SIPA1L1: variants seen among roughly 807,000 people sequenced by gnomAD.
SIPA1L1 encodes the protein signal-induced proliferation-associated 1-like protein 1.
SIPA1L1 carries 26 observed loss-of-function variants against 162.7 expected under a neutral mutation model. The observed-to-expected ratio is 0.16, with a 90% CI of 0.12 to 0.22. The LOEUF (loss-of-function observed/expected upper bound fraction) is 0.22. Ranked by LOEUF, SIPA1L1 falls within the 10% of genes least tolerant of loss-of-function variation. The pLI is 1.00. For synonymous variants in SIPA1L1, 829 were observed against 837.4 expected, an observed-to-expected ratio of 0.99 and a Z score of 0.17; for missense variants, 1,874 against 2,241.0, an observed-to-expected ratio of 0.84 and a Z score of 3.31.
rs374259672 is a variant in SIPA1L1 at position 71,671,185 on chromosome 14, C to T, written c.2322C>T (p.Phe774=). 36 of 1,613,958 alleles carry T rather than the reference C, an allele frequency of 2.2e-5. No individual in the cohort carries two copies. Among genetic ancestry groups the T allele is most frequent in the Non-Finnish European group, 3.0e-5 (35 of 1,179,998 alleles). Residue 774 remains phenylalanine (F), a synonymous_variant, in exon 11 of 24, where the codon TTC becomes TTT. Coordinates refer to ENST00000381232, the MANE Select transcript of SIPA1L1 (RefSeq NM_001386936.1). ...CTCCCATTCCTAAAGGGGTCACTTT[C>T]CCTAAGTCAAATGTGTTCAGGGACT... ...FGPPIPKGVT[F]PKSNVFRDFL...
chr14:71,346,899 C>T (rs1334692176), intron 2 of SIPA1L1, among the ~76,000 whole-genome samples: 4 of 151,996 alleles, frequency 2.6e-5, no homozygotes, highest in South Asian at 2.1e-4. Context: ...AACCTACTTT[C>T]GGTCTCTATT....
intron 2 of SIPA1L1, among the ~76,000 whole-genome samples, chr14:71,405,441 A>G (rs548064965): frequency 2.4e-4 from 36 of 152,316 alleles, no homozygotes; most frequent in African/African-American, 8.4e-4. Flanking sequence ...CTCCTACTCT[A>G]ATGTTGGGGG....
intron 2 of SIPA1L1, among the ~76,000 whole-genome samples, chr14:71,499,269 G>A (rs1414975896): frequency 1.3e-5 from 2 of 152,168 alleles, no homozygotes; most frequent in African/African-American, 2.4e-5. Context: ...CTGAGCCTGC[G>A]GAGGTTGAGG....
chr14:71,699,750 G>A (rs1345102691), intron 14 of SIPA1L1, among the ~76,000 whole-genome samples: 1 of 152,188 alleles, frequency 6.6e-6, no homozygotes, highest in Admixed American at 6.5e-5. Context: ...GAGGACAAGT[G>A]AGGCCAATAA....
chr14:71,705,437 G>C, intron 16 of SIPA1L1, 97 bp downstream of exon 16: 1 of 913,210 alleles, frequency 1.1e-6, no homozygotes, highest in Non-Finnish European at 1.8e-6. Flanking sequence ...CATGGCCAAA[G>C]AGGAAATCAT....
At chr14:71,406,345 T>C (rs952241893) in intron 2 of SIPA1L1, among the ~76,000 whole-genome samples, 5 of 152,232 alleles carry the variant, frequency 3.3e-5, no homozygotes, top group Admixed American at 6.5e-5. Flanking sequence ...TTGCCTTTTT[T>C]TTCAGCCATT....
chr14:71,666,973 C>G (rs2044074060), intron 10 of SIPA1L1, among the ~76,000 whole-genome samples: 1 of 152,004 alleles, frequency 6.6e-6, no homozygotes, highest in South Asian at 2.1e-4. Flanking sequence ...CTATTTCAAG[C>G]CTCAATTAAT....
intron 14 of SIPA1L1, 79 bp downstream of exon 14, chr14:71,699,206 C>A: frequency 7.4e-7 from 1 of 1,347,214 alleles, no homozygotes; most frequent in Non-Finnish European, 1.1e-6. Flanking sequence ...TGTAAAATGA[C>A]TTCCATTCAG....
At chr14:71,531,410 C>T (rs1344295824) in intron 4 of SIPA1L1, among the ~76,000 whole-genome samples, 2 of 151,786 alleles carry the variant, frequency 1.3e-5, no homozygotes, top group African/African-American at 4.8e-5. Flanking sequence ...GGTTGCACCT[C>T]GAAATAGTAC....
chr14:71,401,448 G>A (rs1457482495), intron 2 of SIPA1L1, among the ~76,000 whole-genome samples: 3 of 146,864 alleles, frequency 2.0e-5, no homozygotes, highest in East Asian at 2.0e-4. Flanking sequence ...ATTGTATGAC[G>A]TATTTTTCTT....
At chr14:71,601,900 A>T (rs2036805750) in intron 5 of SIPA1L1, among the ~76,000 whole-genome samples, 1 of 150,516 alleles carries the variant, frequency 6.6e-6, no homozygotes. Context: ...TGTAGTTATC[A>T]GTTGTGATGT....
chr14:71,542,704 C>T (rs1353356366), intron 4 of SIPA1L1, among the ~76,000 whole-genome samples: 6 of 105,794 alleles, frequency 5.7e-5, no homozygotes, highest in South Asian at 3.4e-4. Context: ...TTCTCCTCCT[C>T]CCTCCTCCTC....
At chr14:71,664,760 G>C (rs542390583) in intron 10 of SIPA1L1, among the ~76,000 whole-genome samples, 2 of 152,220 alleles carry the variant, frequency 1.3e-5, no homozygotes, top group South Asian at 4.2e-4. Flanking sequence ...ACACCTACCT[G>C]GTATCTGAAC....
chr14:71,400,130 C>G (rs2041555034), intron 2 of SIPA1L1, among the ~76,000 whole-genome samples: 1 of 152,074 alleles, frequency 6.6e-6, no homozygotes, highest in Non-Finnish European at 1.5e-5. Context: ...AGACCCAGCC[C>G]AAGAACTCAC....
chr14:71,330,348 C>A, intron 2 of SIPA1L1: 1 of 838,890 alleles, frequency 1.2e-6, no homozygotes, highest in Non-Finnish European at 2.1e-6. Context: ...AGTGCACAGT[C>A]CTCTCTTTTT....
intron 5 of SIPA1L1, among the ~76,000 whole-genome samples, chr14:71,609,638 T>C (rs946292459): frequency 6.6e-6 from 1 of 152,002 alleles, no homozygotes; most frequent in Non-Finnish European, 1.5e-5. Context: ...AGCTAGTTTT[T>C]GAATTTTTAG....
intron 3 of SIPA1L1, among the ~76,000 whole-genome samples, 198 bp from the exon 4 acceptor site, chr14:71,529,112 TAA>T (rs200821316): frequency 8.4e-5 from 12 of 143,312 alleles, no homozygotes; most frequent in East Asian, 2.0e-4. Flanking sequence ...AACTCCATCT[TAA>T]AAAAAAAAAA....
chr14:71,359,411 A>G (rs55881312), intron 2 of SIPA1L1, among the ~76,000 whole-genome samples: 22,793 of 152,120 alleles, frequency 0.15, 1,805 homozygotes, highest in East Asian at 0.27. Flanking sequence ...AGAACAGACT[A>G]ATACACCTTA....
At chr14:71,620,697 C>T (rs1053747542) in intron 6 of SIPA1L1, among the ~76,000 whole-genome samples, 3 of 152,174 alleles carry the variant, frequency 2.0e-5, no homozygotes, top group Admixed American at 6.5e-5. Context: ...ACATCTGATC[C>T]CAGCCCCTGT....
Sources: allele counts gnomAD v4.1 joint callset (sites outside exome capture counted in the v4.1 genomes callset), GRCh38; gene constraint gnomAD v4.1.1; transcripts MANE v1.5; gene names NCBI Gene and HGNC (gene_info 2026-07-23, HGNC 2026-07-21).